The following ARK2C variants were observed in gnomAD, a reference collection of about 807,000 sequenced individuals.
ARK2C encodes the protein arkadia (RNF111) C-terminal like ring finger ubiquitin ligase 2C.
the ARK2C span, chr18:46,457,594 G>A: frequency 6.5e-6 from 1 of 152,694 alleles, no homozygotes; most frequent in Admixed American, 6.5e-5. Flanking sequence ...AACCAGGGAG[G>A]GCTCGGCCCT....
At chr18:46,456,206 A>G in the ARK2C span, 2 of 682,348 alleles carry the variant, frequency 2.9e-6, no homozygotes, top group Middle Eastern at 5.6e-4. Flanking sequence ...GTGTGCTATA[A>G]TGTGCTTCAT....
the ARK2C span, chr18:46,433,547 C>CGGGTGA: frequency 5.2e-6 from 8 of 1,529,464 alleles, no homozygotes; most frequent in Non-Finnish European, 7.1e-6. Context: ...CGGATGGGGT[C>CGGGTGA]GGGTGAGGGG....
the ARK2C span, among the ~76,000 whole-genome samples, chr18:46,401,351 C>T: frequency 2.0e-5 from 3 of 152,306 alleles, no homozygotes; most frequent in South Asian, 6.2e-4. Flanking sequence ...CCATCACCAA[C>T]ATCAAATGTC....
At chr18:46,423,851 C>T in the ARK2C span, among the ~76,000 whole-genome samples, 1 of 152,180 alleles carries the variant, frequency 6.6e-6, no homozygotes, top group African/African-American at 2.4e-5. Flanking sequence ...ATAACTTCAT[C>T]CTTACCTGTT....
At chr18:46,453,435 A>C in the ARK2C span, among the ~76,000 whole-genome samples, 12 of 152,340 alleles carry the variant, frequency 7.9e-5, 1 homozygote, top group African/African-American at 2.9e-4. Context: ...GAAATTGTGA[A>C]GAGAACCAAT....
the ARK2C span, among the ~76,000 whole-genome samples, chr18:46,390,264 T>C: frequency 6.6e-6 from 1 of 152,148 alleles, no homozygotes; most frequent in African/African-American, 2.4e-5. Flanking sequence ...AATCACCCCA[T>C]CTTTCCAGGT....
At chr18:46,412,481 C>A in the ARK2C span, among the ~76,000 whole-genome samples, 1 of 152,220 alleles carries the variant, frequency 6.6e-6, no homozygotes, top group African/African-American at 2.4e-5. Context: ...ACCCTCCTGC[C>A]AAATGTCCTG....
At chr18:46,384,566 G>A in the ARK2C span, among the ~76,000 whole-genome samples, 485 of 152,172 alleles carry the variant, frequency 3.2e-3, 2 homozygotes, top group Non-Finnish European at 2.7e-3. Flanking sequence ...CTGCCATATG[G>A]ACACACACAT....
the ARK2C span, among the ~76,000 whole-genome samples, chr18:46,390,862 A>G: frequency 6.6e-6 from 1 of 152,242 alleles, no homozygotes; most frequent in Non-Finnish European, 1.5e-5. Flanking sequence ...TGTGAGGATC[A>G]GATGAAACAA....
At chr18:46,334,474 CA>C in the ARK2C span, 2 of 698,174 alleles carry the variant, frequency 2.9e-6, no homozygotes, top group Non-Finnish European at 2.1e-6. The surrounding 1 kb of genome is among the most constrained non-coding windows in gnomAD (Gnocchi z 4.4). Context: ...CCCCCCACCC[CA>C]TTTTAGGGGG....
At chr18:46,378,370 A>C in the ARK2C span, among the ~76,000 whole-genome samples, 1 of 152,224 alleles carries the variant, frequency 6.6e-6, no homozygotes, top group East Asian at 1.9e-4. Context: ...AGCACCAGGG[A>C]CAGAATCCAG....
the ARK2C span, among the ~76,000 whole-genome samples, chr18:46,344,105 C>T: frequency 6.6e-6 from 1 of 152,234 alleles, no homozygotes; most frequent in African/African-American, 2.4e-5. Context: ...ACGTTGGCCT[C>T]CCCTGACGAC....
the ARK2C span, among the ~76,000 whole-genome samples, chr18:46,405,527 C>G: frequency 6.6e-6 from 1 of 152,206 alleles, no homozygotes; most frequent in East Asian, 1.9e-4. Context: ...GATGTGGAAA[C>G]AGCAAAAGTG....
the ARK2C span, among the ~76,000 whole-genome samples, chr18:46,376,446 T>C: frequency 6.6e-6 from 1 of 152,068 alleles, no homozygotes; most frequent in Non-Finnish European, 1.5e-5. Flanking sequence ...GTGGAGAGCA[T>C]AAAGGAAACA....
the ARK2C span, chr18:46,334,347 T>C: frequency 6.3e-7 from 1 of 1,582,730 alleles, no homozygotes; most frequent in Non-Finnish European, 8.6e-7. The surrounding 1 kb of genome is among the most constrained non-coding windows in gnomAD (Gnocchi z 4.4). Flanking sequence ...TATCGCTTTT[T>C]CCTTTCGGGG....
At chr18:46,357,567 C>T in the ARK2C span, among the ~76,000 whole-genome samples, 1 of 152,150 alleles carries the variant, frequency 6.6e-6, no homozygotes, top group Non-Finnish European at 1.5e-5. Flanking sequence ...GTGAAGGAAC[C>T]ACTGGGGGTC....
the ARK2C span, among the ~76,000 whole-genome samples, chr18:46,431,866 T>A: frequency 6.6e-6 from 1 of 152,248 alleles, no homozygotes; most frequent in Non-Finnish European, 1.5e-5. Flanking sequence ...TCCAGCATTG[T>A]GCAGCAAGAC....
the ARK2C span, among the ~76,000 whole-genome samples, chr18:46,363,844 G>C: frequency 6.6e-6 from 1 of 152,130 alleles, no homozygotes; most frequent in Non-Finnish European, 1.5e-5. Context: ...CCACCGTTGA[G>C]GGTGTGACCT....
chr18:46,343,676 C>G, the ARK2C span, among the ~76,000 whole-genome samples: 3 of 152,358 alleles, frequency 2.0e-5, no homozygotes, highest in African/African-American at 4.8e-5. Flanking sequence ...CCTGCCTGCT[C>G]TAAAGCACTG....
Sources: allele counts gnomAD v4.1 joint callset (sites outside exome capture counted in the v4.1 genomes callset), GRCh38; gene constraint gnomAD v4.1.1; non-coding constraint Gnocchi (gnomAD v3.1); transcripts MANE v1.5; gene names NCBI Gene and HGNC (gene_info 2026-07-23, HGNC 2026-07-21).